The following CRAMP1 variants were observed in gnomAD, a reference collection of about 807,000 sequenced individuals.
CRAMP1 encodes protein cramped-like.
CRAMP1 carries 50 observed loss-of-function variants against 115.4 expected under a neutral mutation model. The observed-to-expected ratio is 0.43, with a 90% CI of 0.35 to 0.55. CRAMP1 has a LOEUF of 0.55. Among genes scored for constraint, CRAMP1 ranks in the 20% least tolerant of loss-of-function variants. The pLI is 0.01. For synonymous variants in CRAMP1, 866 were observed against 745.4 expected (o/e 1.16, Z -2.64); for missense variants, 1,679 against 1,721.7 (o/e 0.98, Z 0.44).
chr16:1,613,535 C>T (rs557749044), intron 1 of CRAMP1, among the ~76,000 whole-genome samples: 3 of 152,302 alleles, frequency 2.0e-5, no homozygotes, highest in South Asian at 2.1e-4. Flanking sequence ...TTTTTGCTTC[C>T]TCACACGTGC....
rs914197431 is a variant in CRAMP1, at chr16:1,675,864, G to A, written c.*1819G>A. ...GATTAGGAGAGAGACAGCAGTGTTT[G>A]AACTACAGCATCTTTACACTAGCTT... On this transcript the variant is annotated 3_prime_UTR_variant, in exon 21 of 21. Coordinates refer to ENST00000397412, the MANE Select transcript of CRAMP1 (RefSeq NM_020825.4). 4 of 152,268 alleles carry A rather than the reference G, an allele frequency of 2.6e-5. No homozygotes were observed. Among genetic ancestry groups the A allele is most frequent in the African/African-American group, 9.6e-5 (4 of 41,460 alleles). The allele number at this position is 152,268 out of a possible 1,614,324, so 9.4% of individuals were successfully genotyped here.
chr16:1,634,017 A>G (rs2142179862), intron 4 of CRAMP1, among the ~76,000 whole-genome samples: 1 of 148,114 alleles, frequency 6.8e-6, no homozygotes, highest in African/African-American at 2.5e-5. Context: ...ACAGAGCAAG[A>G]CTCCGTCTCA....
intron 2 of CRAMP1, among the ~76,000 whole-genome samples, chr16:1,616,819 T>G (rs188584039): frequency 7.3e-6 from 1 of 137,864 alleles, no homozygotes; most frequent in African/African-American, 3.0e-5. Context: ...CAAATATATC[T>G]TTTTTTTTTT....
At chr16:1,617,926 A>G (rs2036434343) in intron 2 of CRAMP1, among the ~76,000 whole-genome samples, 1 of 152,240 alleles carries the variant, frequency 6.6e-6, no homozygotes, top group Non-Finnish European at 1.5e-5. Context: ...CAGAACCTGA[A>G]GTAGATTGTT....
At chr16:1,620,135 C>G (rs564950744) in intron 2 of CRAMP1, among the ~76,000 whole-genome samples, 1 of 152,232 alleles carries the variant, frequency 6.6e-6, no homozygotes, top group East Asian at 1.9e-4. Flanking sequence ...CAAGCCCTCA[C>G]CCACAACTCT....
intron 20 of CRAMP1, 96 bp from the exon 21 acceptor site, chr16:1,673,785 G>T (rs2036943341): frequency 1.7e-6 from 2 of 1,152,394 alleles, no homozygotes; most frequent in Non-Finnish European, 2.6e-6. Context: ...TGCAGCGGGA[G>T]TCGATAGGAG....
At position 1,671,155 on chromosome 16, in the gene CRAMP1, C is replaced by CG. The variant is rs2036919088; in HGVS notation, c.3645+350dup. On this transcript the variant is annotated intron_variant, in intron 20 of 20. Coordinates refer to ENST00000397412, the MANE Select transcript of CRAMP1 (RefSeq NM_020825.4). The surrounding 1 kb of genome is among the most constrained non-coding windows in gnomAD (Gnocchi z 5.0). ...TCCCTGGCTGTGAGGTGCTGAGGTG[C>CG]GGGGAGTGTTGTGGAGGGAGGAGTA... is the stretch of plus-strand genomic sequence containing the variant. 6.6e-6 allele frequency among the ~76,000 whole-genome samples: 1 copy of CG among 152,154 alleles called. No homozygotes were observed. The highest frequency in any genetic ancestry group is 2.4e-5 in the African/African-American group (1 of 41,506).
chr16:1,668,198 G>T lies in CRAMP1; in HGVS notation c.3334+5G>T. 6.2e-7 allele frequency: 1 copy of T among 1,606,160 alleles called. No homozygotes were observed. The highest frequency in any genetic ancestry group is 1.1e-5 in the South Asian group (1 of 90,930). On this transcript the variant is annotated splice_donor_5th_base_variant and intron_variant, in intron 18 of 20. Coordinates refer to ENST00000397412, the MANE Select transcript of CRAMP1 (RefSeq NM_020825.4). ...CCATCAGCTCCGGTCAGTACGGTAA[G>T]GGCAGGGCGGCCTCACAGCCCTTCC...
intron 2 of CRAMP1, among the ~76,000 whole-genome samples, chr16:1,624,639 C>T (rs1156776081): frequency 6.6e-6 from 1 of 150,730 alleles, no homozygotes; most frequent in African/African-American, 2.4e-5. Flanking sequence ...AGTGCAGTGG[C>T]GCGATCTCGG....
intron 17 of CRAMP1, among the ~76,000 whole-genome samples, chr16:1,667,747 G>A: frequency 6.6e-6 from 1 of 152,256 alleles, no homozygotes; most frequent in East Asian, 1.9e-4. Context: ...GCAGGTCCAG[G>A]CCACTGCAGC....
At chr16:1,648,774 T>C (rs1481817602) in intron 6 of CRAMP1, among the ~76,000 whole-genome samples, 1 of 152,058 alleles carries the variant, frequency 6.6e-6, no homozygotes, top group Admixed American at 6.5e-5. Flanking sequence ...GAATTTTGTC[T>C]CAGGCCGGGC....
chr16:1,670,860 A>AGGTTGCCAGC, intron 20 of CRAMP1, 51 bp downstream of exon 20: 1 of 1,593,812 alleles, frequency 6.3e-7, no homozygotes, highest in Non-Finnish European at 8.6e-7. Context: ...CTCGTGCCAG[A>AGGTTGCCAGC]GGTTGCCAGC....
At chr16:1,654,667 C>T (rs1053231624) in intron 8 of CRAMP1, among the ~76,000 whole-genome samples, 10 of 152,320 alleles carry the variant, frequency 6.6e-5, no homozygotes, top group African/African-American at 1.9e-4. Flanking sequence ...TTCTCACCCT[C>T]CCACGGCCGC....
rs112256224 is a variant in CRAMP1 at position 1,620,150 on chromosome 16, C to G, written c.346+5165C>G. On this transcript the variant is annotated intron_variant, in intron 2 of 20. Coordinates refer to ENST00000397412, the MANE Select transcript of CRAMP1 (RefSeq NM_020825.4). The stretch of plus-strand genomic sequence containing the variant: ...CAAGCCCTCACCCACAACTCTGGCT[C>G]CAAGACCAGAGCTGCTGGCACCAGC... Among the ~76,000 whole-genome samples, 110 of 152,230 alleles carry G rather than the reference C, an allele frequency of 7.2e-4. 1 individual carries two copies. Among genetic ancestry groups the G allele is most frequent in the African/African-American group, 2.6e-3 (110 of 41,544 alleles).
At chr16:1,645,945 C>G (rs918701636) in intron 6 of CRAMP1, among the ~76,000 whole-genome samples, 4 of 152,136 alleles carry the variant, frequency 2.6e-5, no homozygotes, top group African/African-American at 9.7e-5. Flanking sequence ...CTCCCCCACA[C>G]CTTGCCCCAA....
At chr16:1,636,276 C>G (rs909964422) in intron 4 of CRAMP1, among the ~76,000 whole-genome samples, 2 of 151,890 alleles carry the variant, frequency 1.3e-5, no homozygotes, top group Non-Finnish European at 2.9e-5. Context: ...GAGGCTGAGG[C>G]AGGAGAATCC....
rs2036773064 is a variant in CRAMP1 at position 1,656,301 on chromosome 16, G to C, written c.1544G>C (p.Arg515Thr). The C allele has an allele frequency of 1.2e-6, 2 of 1,612,058 alleles. No homozygotes were observed. The highest frequency in any genetic ancestry group is 1.7e-6 in the Non-Finnish European group (2 of 1,179,644). ...GACGCTCCTGACAGGCCTCCTCCCA[G>C]GCACCAGGACACTGGGCCATGTCTT... ...SPDAPDRPPP[R>T]HQDTGPCLEK... is the part of the protein sequence containing the mutation. Residue 515 changes from arginine (R) to threonine (T), a missense_variant, in exon 10 of 21, where the codon AGG becomes ACG. Transcript: ENST00000397412. This position sits in a 1 kb window ranked among gnomAD's most constrained non-coding sequence, Gnocchi z 5.6.
rs1409033292 is a variant in CRAMP1, at chr16:1,677,653, C to T, written c.*3608C>T. ...CTCGGTTAAGCCATAGCGAGGCCTC[C>T]GCTCGTTTCAGATATGAATTTGTTT... On this transcript the variant is annotated 3_prime_UTR_variant, in exon 21 of 21. Transcript: ENST00000397412. The T allele has an allele frequency of 6.6e-6, 1 of 152,518 alleles. No individual in the cohort carries two copies. Among genetic ancestry groups the T allele is most frequent in the African/African-American group, 2.4e-5 (1 of 41,378 alleles). 9.4% of individuals were successfully genotyped at this position (152,518 alleles called of 1,614,324 possible).
At chr16:1,653,282 G>A (rs1029418446) in intron 8 of CRAMP1, 126 bp downstream of exon 8, 79 of 1,163,734 alleles carry the variant, frequency 6.8e-5, no homozygotes, top group Non-Finnish European at 8.0e-5. Flanking sequence ...GTCATCACAC[G>A]AGGACGCAGC....
Sources: gnomAD v4.1 joint callset for allele counts (sites outside exome capture counted in the v4.1 genomes callset) on GRCh38, gnomAD v4.1.1 for gene constraint, Gnocchi (gnomAD v3.1) non-coding constraint, MANE v1.5 for transcripts, NCBI Gene and HGNC (gene_info 2026-07-23, HGNC 2026-07-21) for gene names.